The following SOX5 variants were observed in gnomAD, a reference collection of about 807,000 sequenced individuals.
The protein encoded by SOX5 is transcription factor SOX-5.
A neutral mutation model predicts 92.0 loss-of-function variants in SOX5; 9 were observed. The observed-to-expected ratio is 0.10, with a 90% CI of 0.06 to 0.17. The LOEUF (loss-of-function observed/expected upper bound fraction) is 0.17. SOX5 is among the 10% of genes least tolerant of loss of function. The probability of loss-of-function intolerance (pLI) is 1.00; values close to 1 mark genes in which losing one functional copy is unlikely to be tolerated. For missense variants in SOX5, 642 were observed against 944.5 expected, an observed-to-expected ratio of 0.68 and a Z score of 4.20; for synonymous variants, 344 against 336.3, an observed-to-expected ratio of 1.02 and a Z score of -0.25.
At chr12:23,622,981 AG>A (rs777640304) in intron 8 of SOX5, among the ~76,000 whole-genome samples, 54 of 152,082 alleles carry the variant, frequency 3.6e-4, no homozygotes, top group Non-Finnish European at 6.6e-4. Context: ...AATCCAATAG[AG>A]TTTGAGGAAA....
At chr12:23,924,332 AT>A (rs549504009) in intron 1 of SOX5, among the ~76,000 whole-genome samples, 57 of 150,994 alleles carry the variant, frequency 3.8e-4, no homozygotes, top group Non-Finnish European at 6.5e-4. Context: ...TTCTTCCTGC[AT>A]TTTTTTTTAC....
intron 6 of SOX5, among the ~76,000 whole-genome samples, chr12:23,733,775 A>G (rs1435540592): frequency 1.3e-5 from 2 of 152,212 alleles, no homozygotes; most frequent in East Asian, 1.9e-4. Flanking sequence ...ATCTCAAGAT[A>G]TAACTTCAAG....
intron 3 of SOX5, among the ~76,000 whole-genome samples, chr12:23,792,229 T>C (rs181863588): frequency 9.9e-5 from 15 of 151,698 alleles, no homozygotes; most frequent in African/African-American, 3.6e-4. Flanking sequence ...GTGTCTACAA[T>C]GGGAATATAG....
chr12:23,542,748 T>C (rs1942355220), intron 13 of SOX5, among the ~76,000 whole-genome samples: 1 of 152,126 alleles, frequency 6.6e-6, no homozygotes, highest in Non-Finnish European at 1.5e-5. Context: ...CTTCCCCACC[T>C]CCACCCTCAC....
chr12:23,942,005 C>T (rs1237274145), intron 1 of SOX5, among the ~76,000 whole-genome samples: 2 of 150,602 alleles, frequency 1.3e-5, no homozygotes, highest in African/African-American at 4.9e-5. Flanking sequence ...ACTTTGAAAA[C>T]CATTGCCCAA....
intron 3 of SOX5, among the ~76,000 whole-genome samples, chr12:23,808,963 C>T (rs749769304): frequency 6.6e-6 from 1 of 151,948 alleles, no homozygotes; most frequent in Non-Finnish European, 1.5e-5. Flanking sequence ...TCCTCAGACA[C>T]AAAATAAGTA....
intron 9 of SOX5, among the ~76,000 whole-genome samples, chr12:23,580,991 C>T (rs569121996): frequency 1.3e-5 from 2 of 152,064 alleles, no homozygotes; most frequent in East Asian, 1.9e-4. Flanking sequence ...CAATATATTT[C>T]ATTTAGTTGG....
chr12:23,914,440 T>C (rs139147838), intron 1 of SOX5, among the ~76,000 whole-genome samples: 5 of 152,306 alleles, frequency 3.3e-5, no homozygotes, highest in African/African-American at 1.2e-4. Context: ...CAAACCAATT[T>C]AGAAATCAGG....
At chr12:24,387,185 T>G (rs1055732537) in intron 1 of SOX5, among the ~76,000 whole-genome samples, 1 of 152,148 alleles carries the variant, frequency 6.6e-6, no homozygotes, top group African/African-American at 2.4e-5. Flanking sequence ...AAACCATGAG[T>G]TGCTGGATAC....
At chr12:24,521,340 C>A (rs1415422999) in intron 1 of SOX5, among the ~76,000 whole-genome samples, 1 of 152,196 alleles carries the variant, frequency 6.6e-6, no homozygotes, top group Non-Finnish European at 1.5e-5. Flanking sequence ...CAGGCGTGAG[C>A]CACCACACCT....
At chr12:24,016,262 C>T (rs1373120799) in intron 4 of SOX5, among the ~76,000 whole-genome samples, 5 of 152,136 alleles carry the variant, frequency 3.3e-5, no homozygotes, top group African/African-American at 7.2e-5. Flanking sequence ...GAATCCAATG[C>T]CATGTTTTGC....
chr12:24,114,573 C>CATA (rs1947762801), intron 4 of SOX5, among the ~76,000 whole-genome samples: 1 of 40,594 alleles, frequency 2.5e-5, no homozygotes, highest in Non-Finnish European at 4.2e-5. Context: ...CACCCCGTCA[C>CATA]AAAAAAAAAA....
intron 3 of SOX5, among the ~76,000 whole-genome samples, chr12:23,796,737 C>A (rs2095566994): frequency 6.6e-6 from 1 of 151,658 alleles, no homozygotes; most frequent in African/African-American, 2.4e-5. Context: ...ACTACCTAAA[C>A]AGATCACCAA....
chr12:24,306,180 G>T (rs764217738), intron 2 of SOX5, among the ~76,000 whole-genome samples: 1 of 152,120 alleles, frequency 6.6e-6, no homozygotes. Context: ...TGATAAAGGC[G>T]GGGAAAGTGG....
intron 4 of SOX5, among the ~76,000 whole-genome samples, chr12:24,082,640 C>G (rs1398597340): frequency 1.3e-5 from 2 of 151,640 alleles, no homozygotes; most frequent in Middle Eastern, 3.2e-3. Flanking sequence ...TGGAGCTGCA[C>G]AGAGACTTGT....
chr12:24,399,727 A>G (rs867558339), intron 1 of SOX5, among the ~76,000 whole-genome samples: 9 of 152,250 alleles, frequency 5.9e-5, no homozygotes, highest in Non-Finnish European at 1.2e-4. Flanking sequence ...CTTTCCAAAG[A>G]GCCATGGAAA....
chr12:24,443,097 G>A (rs1252482497), intron 1 of SOX5, among the ~76,000 whole-genome samples: 3 of 151,682 alleles, frequency 2.0e-5, no homozygotes, highest in Non-Finnish European at 2.9e-5. Flanking sequence ...GACTAAGGGC[G>A]CACACTGCAA....
rs16926404 is a variant in SOX5 at position 23,579,854 on chromosome 12, A to C, written c.1165-4016T>G. 3.1e-3 allele frequency among the ~76,000 whole-genome samples: 469 copies of C among 152,230 alleles called. 4 individuals are homozygous for C. The highest frequency in any genetic ancestry group is 0.011 in the African/African-American group (448 of 41,576). Reference sequence around the variant, plus strand: ...AATAATTGAAAAAGATACTATTTCTATCAACTACACCATCAAGCAGTGAGC... The same window carrying C: ...AATAATTGAAAAAGATACTATTTCTCTCAACTACACCATCAAGCAGTGAGC... On this transcript the variant is annotated intron_variant, in intron 9 of 14. Transcript: ENST00000451604.
intron 3 of SOX5, among the ~76,000 whole-genome samples, chr12:23,792,630 A>AAAAAAAAC: frequency 2.2e-5 from 2 of 92,078 alleles, no homozygotes; most frequent in South Asian, 3.9e-4. Flanking sequence ...CTCAAAAAAA[A>AAAAAAAAC]AAAAAAAAAA....
Sources: allele counts gnomAD v4.1 joint callset (sites outside exome capture counted in the v4.1 genomes callset), GRCh38; gene constraint gnomAD v4.1.1; transcripts MANE v1.5; gene names NCBI Gene and HGNC (gene_info 2026-07-23, HGNC 2026-07-21).